Variants in CBFA2T2 observed in about 807,000 individuals in gnomAD.
CBFA2T2 encodes the protein CBFA2/RUNX1 partner transcriptional co-repressor 2, also known as protein CBFA2T2.
A neutral mutation model predicts 62.2 loss-of-function variants in CBFA2T2; 11 were observed. The observed-to-expected ratio is 0.18, with a 90% CI of 0.11 to 0.29. CBFA2T2 has a LOEUF of 0.29. CBFA2T2 is among the 10% of genes least tolerant of loss of function. The pLI is 1.00. For missense variants in CBFA2T2, 592 were observed against 774.1 expected (o/e 0.76, Z 2.79); for synonymous variants, 295 against 287.5 (o/e 1.03, Z -0.27).
intron 3 of CBFA2T2, among the ~76,000 whole-genome samples, chr20:33,614,191 A>G (rs1479625242): frequency 6.6e-6 from 1 of 152,068 alleles, no homozygotes; most frequent in African/African-American, 2.4e-5. Context: ...GGTGTGTCCA[A>G]TTATTTCTTT....
intron 2 of CBFA2T2, among the ~76,000 whole-genome samples, chr20:33,608,386 G>A (rs188857209): frequency 6.6e-6 from 1 of 152,292 alleles, no homozygotes; most frequent in East Asian, 1.9e-4. Context: ...CTTGCACACT[G>A]TCCTTGCTCA....
chr20:33,494,313 G>T (rs1160134667), intron 1 of CBFA2T2, among the ~76,000 whole-genome samples: 1 of 88,388 alleles, frequency 1.1e-5, no homozygotes, highest in Non-Finnish European at 2.0e-5. Context: ...ACAGAGTCTC[G>T]CTCTGTTGCC....
chr20:33,490,157 T>C lies in CBFA2T2; in HGVS notation c.-111T>C. On this transcript the variant is annotated 5_prime_UTR_variant, in exon 1 of 11. Coordinates refer to ENST00000342704, the MANE Select transcript of CBFA2T2 (RefSeq NM_001032999.3). The stretch of plus-strand genomic sequence containing the variant: ...GTCTGGTTAGCTCGGCGGCTGCAGA[T>C]CTCGCGGCGACGCCTGCGAGGGACC... The C allele has an allele frequency of 1.8e-6, 2 of 1,091,136 alleles. No individual in the cohort carries two copies. Among genetic ancestry groups the C allele is most frequent in the Non-Finnish European group, 2.3e-6 (2 of 873,496 alleles). The allele number at this position is 1,091,136 out of a possible 1,614,324, so 67.6% of individuals were successfully genotyped here. A position where few individuals can be genotyped will look rare whatever the true frequency, so the allele number is the denominator to read the frequency against.
intron 1 of CBFA2T2, among the ~76,000 whole-genome samples, chr20:33,518,503 C>G (rs1174456162): frequency 6.6e-6 from 1 of 151,818 alleles, no homozygotes; most frequent in Non-Finnish European, 1.5e-5. Flanking sequence ...TGGCTCACTC[C>G]TGTAATCCCC....
At chr20:33,634,707 A>C (rs2016575694) in intron 8 of CBFA2T2, among the ~76,000 whole-genome samples, 1 of 150,292 alleles carries the variant, frequency 6.7e-6, no homozygotes, top group South Asian at 2.1e-4. Flanking sequence ...GAATCTGAAT[A>C]TATGTGTTTA....
chr20:33,539,685 G>GT (rs2012358806), intron 1 of CBFA2T2, among the ~76,000 whole-genome samples: 1 of 145,500 alleles, frequency 6.9e-6, no homozygotes. Context: ...TTTGTTTTTT[G>GT]TGTTTTTTTT....
chr20:33,535,610 T>TTA (rs1178893597), intron 1 of CBFA2T2, among the ~76,000 whole-genome samples: 9 of 146,394 alleles, frequency 6.1e-5, no homozygotes, highest in African/African-American at 2.4e-4. Context: ...TTATTTTTAT[T>TTA]TTTTTATTTT....
At chr20:33,535,608 ATTTT>A (rs1294694800) in intron 1 of CBFA2T2, among the ~76,000 whole-genome samples, 2 of 135,208 alleles carry the variant, frequency 1.5e-5, no homozygotes, top group African/African-American at 5.6e-5. Context: ...TTTTATTTTT[ATTTT>A]TTTATTTTTT....
intron 1 of CBFA2T2, among the ~76,000 whole-genome samples, chr20:33,582,554 C>T (rs990225758): frequency 6.6e-6 from 1 of 152,124 alleles, no homozygotes; most frequent in African/African-American, 2.4e-5. Flanking sequence ...GGCGCGGTGG[C>T]GTACACCTGT....
chr20:33,624,231 A>T (rs1465745459), intron 5 of CBFA2T2, among the ~76,000 whole-genome samples: 2 of 146,212 alleles, frequency 1.4e-5, no homozygotes, highest in African/African-American at 2.7e-5. Context: ...ACATTTTTTT[A>T]AAAGTAAAAA....
At chr20:33,574,065 A>G in intron 1 of CBFA2T2, 1 of 1,446,856 alleles carries the variant, frequency 6.9e-7, no homozygotes, top group South Asian at 1.3e-5. Flanking sequence ...CTGGGATTAC[A>G]GGCAAGAGCC....
At chr20:33,580,407 C>A in intron 1 of CBFA2T2, among the ~76,000 whole-genome samples, 1 of 152,274 alleles carries the variant, frequency 6.6e-6, no homozygotes, top group Middle Eastern at 3.4e-3. Context: ...TCAAGATGAA[C>A]GTGGCCCCAA....
At chr20:33,582,352 G>A (rs148009044) in intron 1 of CBFA2T2, among the ~76,000 whole-genome samples, 107 of 152,094 alleles carry the variant, frequency 7.0e-4, no homozygotes, top group Middle Eastern at 3.4e-3. Context: ...GCTGGGTGTG[G>A]TGGCACATTC....
intron 1 of CBFA2T2, among the ~76,000 whole-genome samples, chr20:33,580,459 T>C (rs1003062369): frequency 6.6e-6 from 1 of 152,224 alleles, no homozygotes; most frequent in African/African-American, 2.4e-5. Context: ...AATTGGCCTC[T>C]TCTGAAACAA....
At chr20:33,553,991 G>T (rs1382117934) in intron 1 of CBFA2T2, among the ~76,000 whole-genome samples, 1 of 151,902 alleles carries the variant, frequency 6.6e-6, no homozygotes, top group Non-Finnish European at 1.5e-5. Flanking sequence ...CATGATTCTT[G>T]ATATTGATGT....
intron 9 of CBFA2T2, among the ~76,000 whole-genome samples, chr20:33,637,040 G>T (rs1047954506): frequency 3.3e-5 from 5 of 152,156 alleles, no homozygotes; most frequent in Admixed American, 2.0e-4. Context: ...TTCACTGGTG[G>T]CTACAGTATA....
At chr20:33,582,970 CT>C (rs1277456894) in intron 1 of CBFA2T2, among the ~76,000 whole-genome samples, 1 of 151,948 alleles carries the variant, frequency 6.6e-6, no homozygotes, top group East Asian at 1.9e-4. Context: ...ACAGCACTAC[CT>C]TTTATTAAAC....
At chr20:33,598,198 C>T (rs1296145777) in intron 1 of CBFA2T2, among the ~76,000 whole-genome samples, 1 of 152,150 alleles carries the variant, frequency 6.6e-6, no homozygotes, top group Non-Finnish European at 1.5e-5. Context: ...TTGATAACAT[C>T]TTATCAGAAG....
At chr20:33,546,185 C>G (rs943553932) in intron 1 of CBFA2T2, among the ~76,000 whole-genome samples, 4 of 151,996 alleles carry the variant, frequency 2.6e-5, no homozygotes, top group Non-Finnish European at 5.9e-5. Flanking sequence ...TTTTTCTTTA[C>G]TTTTTCCTGA....
Sources: allele counts gnomAD v4.1 joint callset (sites outside exome capture counted in the v4.1 genomes callset), GRCh38; gene constraint gnomAD v4.1.1; transcripts MANE v1.5; gene names NCBI Gene and HGNC (gene_info 2026-07-23, HGNC 2026-07-21).